Variants in DNAH8 observed in about 807,000 individuals in gnomAD.
DNAH8 encodes dynein axonemal heavy chain 8.
In DNAH8, 382 loss-of-function variants were observed where a neutral mutation model predicts 562.1. The ratio of observed to expected loss-of-function variants is 0.68; its 90% CI spans 0.63 to 0.74. The LOEUF is 0.74. DNAH8 is among the 30% of genes least tolerant of loss of function. The pLI is 0.00. For synonymous variants in DNAH8, 1,881 were observed against 1,919.4 expected, an observed-to-expected ratio of 0.98 and a Z score of 0.52; for missense variants, 5,203 against 5,620.4, an observed-to-expected ratio of 0.93 and a Z score of 2.37.
At chr6:38,922,344 C>A (rs2150557633) in intron 71 of DNAH8, among the ~76,000 whole-genome samples, 1 of 151,796 alleles carries the variant, frequency 6.6e-6, no homozygotes, top group East Asian at 1.9e-4. Flanking sequence ...CCATCACTGG[C>A]AATTTTAAAC....
intron 33 of DNAH8, 29 bp from the exon 34 acceptor site, chr6:38,842,339 T>C: frequency 5.7e-6 from 9 of 1,565,584 alleles, no homozygotes; most frequent in Non-Finnish European, 7.8e-6. Context: ...TTATACATGA[T>C]GTGATAACTT....
Position 38,716,008 on chromosome 6 carries a change from G to T in DNAH8, c.-35+593G>T, listed in dbSNP as rs1315798951. 4.6e-5 allele frequency among the ~76,000 whole-genome samples: 6 copies of T among 131,388 alleles called. No homozygotes were observed. The East Asian group carries it at 1.4e-3, about 30-fold the overall frequency. 86.2% of individuals were successfully genotyped at this position (131,388 alleles called of 152,430 possible). A position where few individuals can be genotyped will look rare whatever the true frequency, so the allele number is the denominator to read the frequency against. On this transcript the variant is annotated intron_variant, in intron 1 of 92. Coordinates refer to ENST00000327475, the MANE Select transcript of DNAH8 (RefSeq NM_001206927.2). ...GAGTCTCACTCTGCCGCCCAGGCTG[G>T]AGTGCAGTGGTGCGATCTCGGCTCA...
rs981693455 is a variant in DNAH8 at position 38,750,617 on chromosome 6, A to G, written c.1407+28A>G. 8 of 1,417,578 alleles carry G rather than the reference A, an allele frequency of 5.6e-6. No individual in the cohort carries two copies. The African/African-American group carries it at 8.5e-5, about 15-fold the overall frequency. 87.8% of individuals were successfully genotyped at this position (1,417,578 alleles called of 1,614,324 possible). A position where few individuals can be genotyped will look rare whatever the true frequency, so the allele number is the denominator to read the frequency against. The stretch of plus-strand genomic sequence containing the variant: ...AAGTATGCTTTTAAAGTACAATTTT[A>G]AACTGAGGGCAGTGGCTCGCATCTG... On this transcript the variant is annotated intron_variant, in intron 9 of 92. Transcript: ENST00000327475.
intron 91 of DNAH8, among the ~76,000 whole-genome samples, chr6:39,013,523 G>A (rs892336356): frequency 2.6e-5 from 4 of 152,180 alleles, no homozygotes; most frequent in African/African-American, 7.2e-5. Flanking sequence ...TTCAAAGTCA[G>A]GATAATGACT....
In DNAH8 at chr6:38,857,618, A is replaced by C. The variant is rs549839617; in HGVS notation, c.5834A>C (p.Lys1945Thr). 3.0e-5 allele frequency: 49 copies of C among 1,613,752 alleles called. No homozygotes were observed. The highest frequency in any genetic ancestry group is 3.6e-5 in the Non-Finnish European group (43 of 1,179,828). ...DRKIMQVTNQKFLDILNTLIS... is the reference protein window; with the variant it reads ...DRKIMQVTNQTFLDILNTLIS... ...AAAATCATGCAAGTGACCAATCAGA[A>C]ATTTTTGGATATTCTAAATACTCTC... The change falls in exon 42 of 93, where the codon AAA becomes ACA. Residue 1945 changes from lysine (K) to threonine (T), a missense_variant. Around this residue, in one of 6 missense-constraint regions of DNAH8, gnomAD observed 2,176 missense variants for 2,365.1 expected, o/e 0.92. Coordinates refer to ENST00000327475, the MANE Select transcript of DNAH8 (RefSeq NM_001206927.2).
At chr6:38,738,454 G>A (rs759262377) in intron 7 of DNAH8, among the ~76,000 whole-genome samples, 1 of 152,166 alleles carries the variant, frequency 6.6e-6, no homozygotes, top group Non-Finnish European at 1.5e-5. Context: ...TTTTCTGGCA[G>A]TAAGGAAAGT....
chr6:39,030,782 A>G lies in DNAH8; in HGVS notation c.*390A>G, dbSNP rs909050935. The stretch of plus-strand genomic sequence containing the variant: ...TACCAATTTCCCTTGAATAAAATCT[A>G]GCCATGTCTATGTCTGTGCTAACGT... On this transcript the variant is annotated 3_prime_UTR_variant, in exon 93 of 93. Coordinates refer to ENST00000327475, the MANE Select transcript of DNAH8 (RefSeq NM_001206927.2). 6.6e-6 allele frequency among the ~76,000 whole-genome samples: 1 copy of G among 152,174 alleles called. No homozygotes were observed. The highest frequency in any genetic ancestry group is 1.5e-5 in the Non-Finnish European group (1 of 68,020).
rs542115278 is a variant in DNAH8, at chr6:38,831,396, G to A, written c.4189-926G>A. 1.9e-3 allele frequency among the ~76,000 whole-genome samples: 250 copies of A among 132,414 alleles called. 1 individual carries two copies. Among genetic ancestry groups the A allele is most frequent in the African/African-American group, 7.0e-3 (244 of 34,788 alleles). The allele number at this position is 132,414 out of a possible 152,430, so 86.9% of individuals were successfully genotyped here. A position where few individuals can be genotyped will look rare whatever the true frequency, so the allele number is the denominator to read the frequency against. On this transcript the variant is annotated intron_variant, in intron 30 of 92. Coordinates refer to ENST00000327475, the MANE Select transcript of DNAH8 (RefSeq NM_001206927.2). ...ACTGAGATTGTGCCACTGCACTCCAGTCTCCAGCCTGGTGACAGAGTGAGA... is the reference window on the plus strand; with the variant it reads ...ACTGAGATTGTGCCACTGCACTCCAATCTCCAGCCTGGTGACAGAGTGAGA...
rs544256730 is a variant in DNAH8, at chr6:38,817,511, C to T, written c.3523+1854C>T. 2.0e-5 allele frequency among the ~76,000 whole-genome samples: 3 copies of T among 152,276 alleles called. No individual in the cohort carries two copies. The East Asian group carries it at 5.8e-4, about 29-fold the overall frequency. ...CCAGCTAATAAAGGATGAAAAATCT[C>T]AGGACTGGTCTATCTGAATTGGCTT... On this transcript the variant is annotated intron_variant, in intron 26 of 92. Transcript: ENST00000327475.
In DNAH8 at chr6:38,815,572, C is replaced by A. The variant is rs1373372029; in HGVS notation, c.3438C>A (p.Ile1146=). The A allele has an allele frequency of 1.2e-6, 2 of 1,614,038 alleles. No homozygotes were observed. Among genetic ancestry groups the A allele is most frequent in the Non-Finnish European group, 1.7e-6 (2 of 1,179,946 alleles). ...RGVAHWGQQQ[I]RPIKSVIPSP... ...TGGCTCACTGGGGGCAACAGCAAATCCGTCCCATCAAGTCTGTCATTCCCA... is the reference window on the plus strand; with the variant it reads ...TGGCTCACTGGGGGCAACAGCAAATACGTCCCATCAAGTCTGTCATTCCCA... The change falls in exon 26 of 93, where the codon ATC becomes ATA. Residue 1146 remains isoleucine (I), a synonymous_variant. Coordinates refer to ENST00000327475, the MANE Select transcript of DNAH8 (RefSeq NM_001206927.2).
chr6:38,842,709 G>C lies in DNAH8; in HGVS notation c.4651G>C (p.Asp1551His). 6.2e-7 allele frequency: 1 copy of C among 1,613,248 alleles called. No individual in the cohort carries two copies. The highest frequency in any genetic ancestry group is 1.1e-5 in the South Asian group (1 of 90,838). ...ACTTAAAGATTGGCAAGCTTTTTTG[G>C]ATCTCAAAAAGAGAATTGATGATTT... ...KGLKDWQAFL[D>H]LKKRIDDFSE... The change falls in exon 35 of 93, where the codon GAT becomes CAT. Residue 1551 changes from aspartate to histidine, a missense_variant. Around this residue, in one of 6 missense-constraint regions of DNAH8, gnomAD observed 2,176 missense variants for 2,365.1 expected, o/e 0.92. Transcript: ENST00000327475.
intron 41 of DNAH8, among the ~76,000 whole-genome samples, chr6:38,853,922 G>A (rs115219531): frequency 0.015 from 2,263 of 151,966 alleles, 93 homozygotes; most frequent in East Asian, 0.14. Flanking sequence ...GGTACTCAAA[G>A]TACAGTTTCT....
At position 38,832,308 on chromosome 6, in the gene DNAH8, C is replaced by A. The variant is rs2150354668; in HGVS notation, c.4189-14C>A. Reference sequence around the variant, plus strand: ...TACTTTCACTCTCAGGTTGAATATTCTTTTTTATTGTAGGTTTCAGTACAA... The same window carrying A: ...TACTTTCACTCTCAGGTTGAATATTATTTTTTATTGTAGGTTTCAGTACAA... On this transcript the variant is annotated splice_polypyrimidine_tract_variant and intron_variant, in intron 30 of 92. Coordinates refer to ENST00000327475, the MANE Select transcript of DNAH8 (RefSeq NM_001206927.2). The A allele has an allele frequency of 1.3e-6, 2 of 1,538,516 alleles. No homozygotes were observed. Among genetic ancestry groups the A allele is most frequent in the South Asian group, 1.1e-5 (1 of 88,228 alleles).
chr6:38,903,629 T>TG (rs1399872239), intron 62 of DNAH8, among the ~76,000 whole-genome samples: 1 of 149,316 alleles, frequency 6.7e-6, no homozygotes. Context: ...TTTTTTTTTT[T>TG]TGAGAAGGAG....
At chr6:38,901,692 A>G (rs940711531) in intron 62 of DNAH8, among the ~76,000 whole-genome samples, 1 of 152,198 alleles carries the variant, frequency 6.6e-6, no homozygotes, top group African/African-American at 2.4e-5. Context: ...TAAAATTTAG[A>G]TCACTTTGCC....
At chr6:38,772,995 T>C (rs1436150103) in intron 12 of DNAH8, among the ~76,000 whole-genome samples, 2 of 97,620 alleles carry the variant, frequency 2.0e-5, no homozygotes, top group East Asian at 7.6e-4. Context: ...TTTTTTTTTT[T>C]TTTGTAGAGA....
intron 82 of DNAH8, among the ~76,000 whole-genome samples, chr6:38,968,747 A>G (rs1763142183): frequency 6.6e-6 from 1 of 152,208 alleles, no homozygotes; most frequent in African/African-American, 2.4e-5. Context: ...AGTTAAAGAT[A>G]GGGTTACCAC....
intron 1 of DNAH8, among the ~76,000 whole-genome samples, chr6:38,718,966 T>TTTA (rs1762542944): frequency 5.4e-5 from 8 of 149,476 alleles, no homozygotes; most frequent in African/African-American, 1.9e-4. Flanking sequence ...GACTCCTACT[T>TTTA]ATCCTTTAAG....
chr6:38,998,222 A>C (rs1181055141), intron 88 of DNAH8, among the ~76,000 whole-genome samples: 1 of 152,242 alleles, frequency 6.6e-6, no homozygotes, highest in Non-Finnish European at 1.5e-5. Flanking sequence ...AAGAATGCAG[A>C]ATCTCTGAAG....
Sources: allele counts gnomAD v4.1 joint callset (sites outside exome capture counted in the v4.1 genomes callset), GRCh38; gene constraint gnomAD v4.1.1; regional missense constraint gnomAD v4.1.1; transcripts MANE v1.5; gene names NCBI Gene and HGNC (gene_info 2026-07-23, HGNC 2026-07-21).